Variants in SCNN1B observed in about 807,000 individuals in gnomAD.
The protein encoded by SCNN1B is sodium channel epithelial 1 subunit beta, also known as epithelial sodium channel subunit beta.
SCNN1B carries 46 observed loss-of-function variants against 65.3 expected under a neutral mutation model. The ratio of observed to expected loss-of-function variants is 0.70; its 90% CI spans 0.56 to 0.90. The LOEUF is 0.90. Ranked by LOEUF, SCNN1B falls within the 40% of genes least tolerant of loss-of-function variation. The pLI is 0.00. For synonymous variants in SCNN1B, 349 were observed against 330.6 expected, an observed-to-expected ratio of 1.06 and a Z score of -0.60; for missense variants, 751 against 830.5, an observed-to-expected ratio of 0.90 and a Z score of 1.18.
At chr16:23,324,698 C>T (rs1326786319) in intron 1 of SCNN1B, among the ~76,000 whole-genome samples, 2 of 152,152 alleles carry the variant, frequency 1.3e-5, no homozygotes, top group Non-Finnish European at 2.9e-5. Context: ...TCCTACCCCA[C>T]CCCACACACA....
At chr16:23,331,423 C>T (rs1961810399) in intron 1 of SCNN1B, among the ~76,000 whole-genome samples, 1 of 151,256 alleles carries the variant, frequency 6.6e-6, no homozygotes, top group Admixed American at 6.6e-5. Context: ...CTCCTGGGTT[C>T]AAGTGATTCT....
At chr16:23,287,350 T>C (rs1464411925) in intron 2 of SCNN1B, among the ~76,000 whole-genome samples, 1 of 151,970 alleles carries the variant, frequency 6.6e-6, no homozygotes. Flanking sequence ...TAAAATGCAA[T>C]TTGTGAACAT....
intron 1 of SCNN1B, among the ~76,000 whole-genome samples, chr16:23,319,340 C>T (rs1232741351): frequency 6.6e-6 from 1 of 152,192 alleles, no homozygotes; most frequent in East Asian, 1.9e-4. Context: ...GCCACTGCGC[C>T]CAGCCCAATC....
intron 4 of SCNN1B, among the ~76,000 whole-genome samples, chr16:23,363,736 G>T (rs1962596557): frequency 6.6e-6 from 1 of 150,778 alleles, no homozygotes. Flanking sequence ...ATATCTTAAG[G>T]CCAGGAGTTT....
chr16:23,336,225 A>G (rs1961936263), intron 1 of SCNN1B, among the ~76,000 whole-genome samples: 1 of 152,166 alleles, frequency 6.6e-6, no homozygotes, highest in Non-Finnish European at 1.5e-5. Flanking sequence ...GGGCATAATT[A>G]TGCCCACCCC....
intron 2 of SCNN1B, among the ~76,000 whole-genome samples, chr16:23,289,225 T>G (rs1567284991): frequency 6.6e-6 from 1 of 152,040 alleles, no homozygotes; most frequent in Non-Finnish European, 1.5e-5. Flanking sequence ...ATGGCTTGAG[T>G]CATAGAAGGA....
intron 1 of SCNN1B, among the ~76,000 whole-genome samples, chr16:23,279,077 GT>G (rs61200294): frequency 0.11 from 14,312 of 128,480 alleles, 1,924 homozygotes; most frequent in African/African-American, 0.34. Flanking sequence ...TGTGTGGGGT[GT>G]GTGTGTGTGT....
chr16:23,350,399 G>T (rs1962283305), intron 2 of SCNN1B, among the ~76,000 whole-genome samples: 1 of 152,134 alleles, frequency 6.6e-6, no homozygotes, highest in South Asian at 2.1e-4. Context: ...CTGTGAAGGG[G>T]ACACAAGAGG....
intron 2 of SCNN1B, among the ~76,000 whole-genome samples, chr16:23,349,357 CAT>C (rs1287927077): frequency 1.3e-5 from 2 of 152,050 alleles, no homozygotes; most frequent in Non-Finnish European, 2.9e-5. Context: ...CGTGGTGGCA[CAT>C]GTCTGTGGTC....
chr16:23,355,940 T>C (rs1393035470), intron 4 of SCNN1B, among the ~76,000 whole-genome samples: 1 of 151,532 alleles, frequency 6.6e-6, no homozygotes, highest in Non-Finnish European at 1.5e-5. Flanking sequence ...AATAGTAAAA[T>C]AAATTAAATT....
At chr16:23,301,131 A>G (rs1289391599), upstream of SCNN1B, among the ~76,000 whole-genome samples, 1 of 152,076 alleles carries the variant, frequency 6.6e-6, no homozygotes, top group Non-Finnish European at 1.5e-5. Context: ...TGGGAGCCCG[A>G]GGCGGGTGGA....
In SCNN1B at chr16:23,363,074, C is replaced by T. The variant is rs74012891; in HGVS notation, c.777-4782C>T. On this transcript the variant is annotated intron_variant, in intron 4 of 12. Transcript: ENST00000343070. ...CTCCTCCAGGAAACCTTCCCTGACTCGCTCCCCACTCTCCACTGGGACTTG... is the reference window on the plus strand; with the variant it reads ...CTCCTCCAGGAAACCTTCCCTGACTTGCTCCCCACTCTCCACTGGGACTTG... Among the ~76,000 whole-genome samples, 343 of 152,328 alleles carry T rather than the reference C, an allele frequency of 2.3e-3. 4 individuals are homozygous for T. Among genetic ancestry groups the T allele is most frequent in the African/African-American group, 7.8e-3 (323 of 41,582 alleles).
intron 1 of SCNN1B, among the ~76,000 whole-genome samples, chr16:23,327,967 G>A (rs114463656): frequency 5.3e-4 from 80 of 152,326 alleles, no homozygotes; most frequent in African/African-American, 1.9e-3. Context: ...AGGCTGCTGG[G>A]ATGGAGGCCT....
chr16:23,320,981 A>G (rs959106328), intron 1 of SCNN1B, among the ~76,000 whole-genome samples: 6 of 152,188 alleles, frequency 3.9e-5, no homozygotes, highest in Admixed American at 1.3e-4. Context: ...TGGTGGCCGG[A>G]TCTAGATGAG....
intron 4 of SCNN1B, among the ~76,000 whole-genome samples, chr16:23,365,292 GAAAGAGAGAAAGAGAGAA>G (rs1432660280): frequency 2.0e-5 from 3 of 148,598 alleles, no homozygotes; most frequent in East Asian, 2.0e-4. Context: ...ACTTTGTCAA[GAAAGAGAGAAAGAGAGAA>G]AAAGAGAGAA....
chr16:23,376,716 C>G (rs574907793), intron 8 of SCNN1B, among the ~76,000 whole-genome samples: 107 of 146,726 alleles, frequency 7.3e-4, no homozygotes, highest in African/African-American at 2.6e-3. Flanking sequence ...TCGAGACCAG[C>G]CTGGCCAACA....
chr16:23,356,143 T>A (rs1453742422), intron 4 of SCNN1B, among the ~76,000 whole-genome samples: 1 of 151,992 alleles, frequency 6.6e-6, no homozygotes, highest in East Asian at 1.9e-4. Flanking sequence ...TGATGAGGTG[T>A]CTCCTAACCT....
chr16:23,357,057 A>C (rs1044068932), intron 4 of SCNN1B, among the ~76,000 whole-genome samples: 1 of 152,214 alleles, frequency 6.6e-6, no homozygotes, highest in African/African-American at 2.4e-5. Context: ...GGTTTCAGCC[A>C]GTCCTGTTTC....
At chr16:23,350,611 T>C (rs1343678440) in intron 2 of SCNN1B, among the ~76,000 whole-genome samples, 1 of 152,056 alleles carries the variant, frequency 6.6e-6, no homozygotes, top group Non-Finnish European at 1.5e-5. Context: ...AGAAAACATT[T>C]TTATCCAAAA....
Sources: allele counts gnomAD v4.1 joint callset (sites outside exome capture counted in the v4.1 genomes callset), GRCh38; gene constraint gnomAD v4.1.1; transcripts MANE v1.5; gene names NCBI Gene and HGNC (gene_info 2026-07-23, HGNC 2026-07-21).